FKTN: variants seen among roughly 807,000 people sequenced by gnomAD.
The protein encoded by FKTN is ribitol-5-phosphate transferase FKTN.
In FKTN, 47 loss-of-function variants were observed where a neutral mutation model predicts 58.6. That is an observed-to-expected ratio of 0.80 (90% CI 0.63 to 1.02). FKTN has a LOEUF of 1.02. Among genes scored for constraint, FKTN ranks in the 50% least tolerant of loss-of-function variants. The pLI is 0.00. For synonymous variants in FKTN, 178 were observed against 191.9 expected (o/e 0.93, Z 0.60); for missense variants, 516 against 537.3 (o/e 0.96, Z 0.39).
chr9:105,558,569 A>G (rs1357151435), intron 1 of FKTN, among the ~76,000 whole-genome samples: 1 of 152,030 alleles, frequency 6.6e-6, no homozygotes, highest in African/African-American at 2.4e-5. Flanking sequence ...CCCGGCCTGA[A>G]ATTTACAATT....
intron 10 of FKTN, among the ~76,000 whole-genome samples, chr9:105,622,257 T>G (rs1241740257): frequency 6.6e-6 from 1 of 152,012 alleles, no homozygotes; most frequent in Non-Finnish European, 1.5e-5. Context: ...CTTTTTGTCT[T>G]TATAATAACC....
intron 1 of FKTN, among the ~76,000 whole-genome samples, chr9:105,570,257 C>T (rs549311350): frequency 5.3e-5 from 8 of 151,936 alleles, no homozygotes; most frequent in Non-Finnish European, 1.2e-4. Flanking sequence ...TTTTAGTATA[C>T]TTAGCATACT....
At chr9:105,563,757 A>T (rs964363955) in intron 1 of FKTN, among the ~76,000 whole-genome samples, 1 of 152,182 alleles carries the variant, frequency 6.6e-6, no homozygotes, top group Non-Finnish European at 1.5e-5. Context: ...GGCAGCAGAA[A>T]CCTCTGCAGA....
At chr9:105,596,497 G>A in intron 3 of FKTN, 101 bp from the exon 4 acceptor site, 1 of 766,166 alleles carries the variant, frequency 1.3e-6, no homozygotes, top group Non-Finnish European at 2.4e-6. Flanking sequence ...GCTTTTTAAT[G>A]ATTATAAGCT....
chr9:105,593,823 C>T (rs566107737), intron 3 of FKTN, among the ~76,000 whole-genome samples: 5 of 152,182 alleles, frequency 3.3e-5, no homozygotes, highest in East Asian at 1.9e-4. Context: ...GATAATTGAC[C>T]GTTGGATTTA....
rs1554766808 is a variant in FKTN at position 105,635,049 on chromosome 9, A to G, written c.1173-2A>G. The G allele has an allele frequency of 1.2e-6, 2 of 1,613,760 alleles. No homozygotes were observed. Among genetic ancestry groups the G allele is most frequent in the Non-Finnish European group, 1.7e-6 (2 of 1,179,616 alleles). The stretch of plus-strand genomic sequence containing the variant: ...AAGCCTAATCCCTCTGTTTTGCTGC[A>G]GATACCTGTTTCCGAAGTTTACACT... On this transcript the variant is annotated splice_acceptor_variant, in intron 10 of 10. Coordinates refer to ENST00000357998, the MANE Select transcript of FKTN (RefSeq NM_001079802.2). LOFTEE classifies it high-confidence loss of function.
At chr9:105,617,839 A>G in intron 8 of FKTN, 120 bp from the exon 9 acceptor site, 1 of 675,062 alleles carries the variant, frequency 1.5e-6, no homozygotes, top group Non-Finnish European at 2.5e-6. Flanking sequence ...TGGGCAATAT[A>G]GTGAGACTCT....
At chr9:105,579,283 G>C (rs1842390984) in intron 3 of FKTN, among the ~76,000 whole-genome samples, 1 of 152,034 alleles carries the variant, frequency 6.6e-6, no homozygotes, top group African/African-American at 2.4e-5. Flanking sequence ...GATCTTTCCT[G>C]CTTTCTCTTG....
chr9:105,611,816 T>C (rs1187381791), intron 7 of FKTN, among the ~76,000 whole-genome samples: 1 of 152,208 alleles, frequency 6.6e-6, no homozygotes, highest in Non-Finnish European at 1.5e-5. Flanking sequence ...CACACATGTA[T>C]GTGTCTTTAT....
In FKTN at chr9:105,640,936, A is replaced by T. The variant is rs1834380363; in HGVS notation, c.*5672A>T. 1 of 152,214 alleles carries T rather than the reference A, an allele frequency of 6.6e-6. No homozygotes were observed. The highest frequency in any genetic ancestry group is 2.4e-5 in the African/African-American group (1 of 41,468). The allele number at this position is 152,214 out of a possible 1,614,324, so 9.4% of individuals were successfully genotyped here. On this transcript the variant is annotated 3_prime_UTR_variant, in exon 11 of 11. Transcript: ENST00000357998. ...ACAAAAACATATATATGAATTTCTA[A>T]ACAAAGTGATATTTTAAAGATGAAT... is the stretch of plus-strand genomic sequence containing the variant.
At chr9:105,576,385 T>A (rs1469151290) in intron 3 of FKTN, among the ~76,000 whole-genome samples, 1 of 152,012 alleles carries the variant, frequency 6.6e-6, no homozygotes, top group Non-Finnish European at 1.5e-5. Flanking sequence ...ATCTCATTGT[T>A]CATTTCCCAC....
In FKTN at chr9:105,636,451, T is replaced by TTC; in HGVS notation, c.*1188_*1189dup. On this transcript the variant is annotated 3_prime_UTR_variant, in exon 11 of 11. Coordinates refer to ENST00000357998, the MANE Select transcript of FKTN (RefSeq NM_001079802.2). Reference sequence around the variant, plus strand: ...TAAAGTTTGTGTCCCTCCCCAGTTTTTCAGTCTGTTGAATGTCGATGGGGC... The same window carrying TTC: ...TAAAGTTTGTGTCCCTCCCCAGTTTTTCTCAGTCTGTTGAATGTCGATGGGGC... The TTC allele has an allele frequency of 1.0e-6, 1 of 989,758 alleles. No individual in the cohort carries two copies. Among genetic ancestry groups the TTC allele is most frequent in the Non-Finnish European group, 1.2e-6 (1 of 832,282 alleles). 61.3% of individuals were successfully genotyped at this position (989,758 alleles called of 1,614,324 possible). A position where few individuals can be genotyped will look rare whatever the true frequency, so the allele number is the denominator to read the frequency against.
chr9:105,561,687 ATG>A (rs918388151), intron 1 of FKTN, among the ~76,000 whole-genome samples: 6 of 152,240 alleles, frequency 3.9e-5, no homozygotes, highest in African/African-American at 1.4e-4. Context: ...AAGTAACAGC[ATG>A]TGTAGGTAGA....
Position 105,638,309 on chromosome 9 carries a change from A to G in FKTN, c.*3045A>G, listed in dbSNP as rs1011823941. On this transcript the variant is annotated 3_prime_UTR_variant, in exon 11 of 11. Coordinates refer to ENST00000357998, the MANE Select transcript of FKTN (RefSeq NM_001079802.2). ...TGCCGCTTAGTATCTTTTTGTTCAGATTGAGAACCTAAGGCGACAGAGAGG... is the reference window on the plus strand; with the variant it reads ...TGCCGCTTAGTATCTTTTTGTTCAGGTTGAGAACCTAAGGCGACAGAGAGG... 6 of 985,328 alleles carry G rather than the reference A, an allele frequency of 6.1e-6. No individual in the cohort carries two copies. The African/African-American group carries it at 7.0e-5, about 11-fold the overall frequency. 61.0% of individuals were successfully genotyped at this position (985,328 alleles called of 1,614,324 possible). A position where few individuals can be genotyped will look rare whatever the true frequency, so the allele number is the denominator to read the frequency against.
rs1588317101 is a variant in FKTN, at chr9:105,635,456, G to A, written c.*192G>A. The A allele has an allele frequency of 6.9e-7, 1 of 1,443,148 alleles. No homozygotes were observed. The highest frequency in any genetic ancestry group is 9.0e-7 in the Non-Finnish European group (1 of 1,105,426). 89.4% of individuals were successfully genotyped at this position (1,443,148 alleles called of 1,614,324 possible). ...GGAATTTTCATGTGCCACATACAATGCTAGGTTACAGTGGAGAAGCCTAGA... is the reference window on the plus strand; with the variant it reads ...GGAATTTTCATGTGCCACATACAATACTAGGTTACAGTGGAGAAGCCTAGA... On this transcript the variant is annotated 3_prime_UTR_variant, in exon 11 of 11. Coordinates refer to ENST00000357998, the MANE Select transcript of FKTN (RefSeq NM_001079802.2).
chr9:105,639,495 G>A lies in FKTN; in HGVS notation c.*4231G>A. ...GATTAAATGAAGTATACAGTTCTTA[G>A]CCTCAGGCCTAGGATTAAGTAAGTA... On this transcript the variant is annotated 3_prime_UTR_variant, in exon 11 of 11. Transcript: ENST00000357998. 1 of 759,388 alleles carries A rather than the reference G, an allele frequency of 1.3e-6. No individual in the cohort carries two copies. Among genetic ancestry groups the A allele is most frequent in the Non-Finnish European group, 1.6e-6 (1 of 624,052 alleles). 47.0% of individuals were successfully genotyped at this position (759,388 alleles called of 1,614,324 possible).
At chr9:105,633,111 T>C (rs1292599100) in intron 10 of FKTN, among the ~76,000 whole-genome samples, 3 of 152,316 alleles carry the variant, frequency 2.0e-5, no homozygotes, top group Middle Eastern at 3.4e-3. Flanking sequence ...TTCTTTTTGC[T>C]GAATGGATTG....
chr9:105,626,772 A>T (rs1588271276), intron 10 of FKTN, among the ~76,000 whole-genome samples: 1 of 152,064 alleles, frequency 6.6e-6, no homozygotes, highest in African/African-American at 2.4e-5. Flanking sequence ...TTAATTTGTA[A>T]CCATTTTGGT....
At chr9:105,568,482 A>G (rs895270222) in intron 1 of FKTN, among the ~76,000 whole-genome samples, 3 of 152,260 alleles carry the variant, frequency 2.0e-5, no homozygotes, top group Non-Finnish European at 2.9e-5. Flanking sequence ...GGCAAAGGAT[A>G]TGAACAGACA....
Sources: gnomAD v4.1 joint callset for allele counts (sites outside exome capture counted in the v4.1 genomes callset) on GRCh38, gnomAD v4.1.1 for gene constraint, MANE v1.5 for transcripts, NCBI Gene and HGNC (gene_info 2026-07-23, HGNC 2026-07-21) for gene names.